The following NALF1 variants were observed in gnomAD, a reference collection of about 807,000 sequenced individuals.
NALF1 encodes the protein NALCN channel auxiliary factor 1.
A neutral mutation model predicts 48.4 loss-of-function variants in NALF1; 3 were observed. The observed-to-expected ratio is 0.06, with a 90% CI of 0.03 to 0.16. NALF1 has a LOEUF of 0.16. NALF1 is among the 10% of genes least tolerant of loss of function. The probability of loss-of-function intolerance (pLI) is 1.00; values close to 1 mark genes in which losing one functional copy is unlikely to be tolerated. For missense variants in NALF1, 526 were observed against 571.5 expected (o/e 0.92, Z 0.81); for synonymous variants, 262 against 245.7 (o/e 1.07, Z -0.62).
At chr13:107,523,364 A>T (rs969212346) in intron 1 of NALF1, among the ~76,000 whole-genome samples, 24 of 151,810 alleles carry the variant, frequency 1.6e-4, no homozygotes, top group East Asian at 3.9e-4. Context: ...ACAATAAGAA[A>T]TTTTTTTTAA....
intron 1 of NALF1, among the ~76,000 whole-genome samples, chr13:107,402,307 G>A (rs1883823259): frequency 6.6e-6 from 1 of 152,110 alleles, no homozygotes; most frequent in Admixed American, 6.6e-5. Context: ...CAACTACCCA[G>A]AAGAACCAAA....
intron 1 of NALF1, among the ~76,000 whole-genome samples, chr13:107,359,910 T>C (rs1883031623): frequency 6.6e-6 from 1 of 152,158 alleles, no homozygotes; most frequent in African/African-American, 2.4e-5. Flanking sequence ...TCAGTTCTAC[T>C]CCACTGTCAT....
chr13:107,284,476 A>G (rs1186423422), intron 1 of NALF1, among the ~76,000 whole-genome samples: 1 of 152,208 alleles, frequency 6.6e-6, no homozygotes, highest in Non-Finnish European at 1.5e-5. Flanking sequence ...AGGAACAAAG[A>G]ACTAAAAAGA....
chr13:107,183,841 C>A (rs1048913663), intron 2 of NALF1, among the ~76,000 whole-genome samples: 5 of 152,024 alleles, frequency 3.3e-5, no homozygotes, highest in African/African-American at 1.2e-4. Context: ...CAGGGCCTGT[C>A]GAGGGGAGGA....
intron 1 of NALF1, among the ~76,000 whole-genome samples, chr13:107,586,135 G>A (rs996032171): frequency 6.6e-6 from 1 of 152,044 alleles, no homozygotes; most frequent in African/African-American, 2.4e-5. Flanking sequence ...GGAATTCATG[G>A]CCCAGGTACC....
intron 1 of NALF1, among the ~76,000 whole-genome samples, chr13:107,596,145 A>G (rs528661997): frequency 6.6e-6 from 1 of 152,230 alleles, no homozygotes; most frequent in East Asian, 1.9e-4. Flanking sequence ...AGTAGTGGGA[A>G]TCTTGCAATA....
rs1359062571 is a variant in NALF1, at chr13:107,784,025, AG to A, written c.915+81656del. ...TTCCACACAACCGCTCCCCTCAGTG[AG>A]TGACTGAGAGAAGACGTCTCCTTCC... On this transcript the variant is annotated intron_variant, in intron 1 of 2. Transcript: ENST00000375915. 3.3e-5 allele frequency among the ~76,000 whole-genome samples: 5 copies of A among 152,218 alleles called. No individual in the cohort carries two copies. In the South Asian group the frequency reaches 1.0e-3, roughly 32 times the overall value.
chr13:107,353,186 G>A (rs1479709773), intron 1 of NALF1, among the ~76,000 whole-genome samples: 1 of 152,014 alleles, frequency 6.6e-6, no homozygotes, highest in African/African-American at 2.4e-5. Flanking sequence ...CTAACACACT[G>A]GATGACTAGG....
intron 1 of NALF1, among the ~76,000 whole-genome samples, chr13:107,833,573 A>G (rs531076551): frequency 5.3e-5 from 8 of 152,300 alleles, no homozygotes; most frequent in African/African-American, 1.9e-4. Flanking sequence ...TTTTTTACTC[A>G]TGTTCAATGA....
At chr13:107,779,764 C>G (rs1877833023) in intron 1 of NALF1, among the ~76,000 whole-genome samples, 1 of 152,214 alleles carries the variant, frequency 6.6e-6, no homozygotes, top group Non-Finnish European at 1.5e-5. Flanking sequence ...TTTTACCCCT[C>G]TTGTCTCCAC....
intron 1 of NALF1, among the ~76,000 whole-genome samples, chr13:107,537,835 T>C (rs1876879753): frequency 6.6e-6 from 1 of 152,030 alleles, no homozygotes; most frequent in Non-Finnish European, 1.5e-5. Flanking sequence ...CTGGCCAACA[T>C]GGTGAAATCT....
chr13:107,507,622 A>AAGG (rs1566370406), intron 1 of NALF1, among the ~76,000 whole-genome samples: 2 of 129,054 alleles, frequency 1.5e-5, no homozygotes, highest in African/African-American at 5.7e-5. Context: ...AAAAAAAAAA[A>AAGG]GGGGCAAACA....
At chr13:107,770,254 C>T (rs1253584908) in intron 1 of NALF1, among the ~76,000 whole-genome samples, 1 of 152,048 alleles carries the variant, frequency 6.6e-6, no homozygotes, top group Non-Finnish European at 1.5e-5. Context: ...CAACATTAGC[C>T]AAAGTTATCT....
In NALF1 at chr13:107,210,645, T is replaced by C. The variant is rs759393422; in HGVS notation, c.1026A>G (p.Pro342=). Residue 342 remains proline, a synonymous_variant, in exon 2 of 3, where the codon CCA becomes CCG. Transcript: ENST00000375915. ...QYCLEVQTRC[P]FILPDNDEVI... ...CTTCATCATTGTCGGGCAATATAAA[T>C]GGACACCTCGTCTGAACCTCCAAAC... 7 of 1,613,318 alleles carry C rather than the reference T, an allele frequency of 4.3e-6. No individual in the cohort carries two copies. The highest frequency in any genetic ancestry group is 4.5e-5 in the East Asian group (2 of 44,872).
At chr13:107,746,410 G>A (rs1205445705) in intron 1 of NALF1, among the ~76,000 whole-genome samples, 1 of 152,038 alleles carries the variant, frequency 6.6e-6, no homozygotes, top group Non-Finnish European at 1.5e-5. Flanking sequence ...ATATTGTGTT[G>A]GAGAAAAATA....
intron 1 of NALF1, among the ~76,000 whole-genome samples, chr13:107,782,165 T>C (rs1877910229): frequency 6.6e-6 from 1 of 152,208 alleles, no homozygotes; most frequent in Admixed American, 6.5e-5. Flanking sequence ...CTGATTCTCC[T>C]GCCTCAGCCT....
chr13:107,671,723 C>G (rs552214842), intron 1 of NALF1, among the ~76,000 whole-genome samples: 174 of 151,770 alleles, frequency 1.1e-3, no homozygotes, highest in Admixed American at 1.6e-3. Context: ...ACCAGAAAAC[C>G]CACAAAAATA....
At chr13:107,827,881 G>A (rs1349421606) in intron 1 of NALF1, among the ~76,000 whole-genome samples, 5 of 152,248 alleles carry the variant, frequency 3.3e-5, no homozygotes, top group East Asian at 1.9e-4. Context: ...TGGAAAGGGC[G>A]ATTAAAAACA....
intron 2 of NALF1, among the ~76,000 whole-genome samples, chr13:107,205,558 C>CCACA (rs1229863562): frequency 1.3e-5 from 2 of 151,992 alleles, no homozygotes; most frequent in Non-Finnish European, 2.9e-5. Flanking sequence ...CAACAGCAGC[C>CCACA]CACAGTATTT....
Sources: gnomAD v4.1 joint callset for allele counts (sites outside exome capture counted in the v4.1 genomes callset) on GRCh38, gnomAD v4.1.1 for gene constraint, MANE v1.5 for transcripts, NCBI Gene and HGNC (gene_info 2026-07-23, HGNC 2026-07-21) for gene names.